ANXA6: variants seen among roughly 807,000 people sequenced by gnomAD.
ANXA6 encodes 67 kDa calelectrin.
A neutral mutation model predicts 95.4 loss-of-function variants in ANXA6; 71 were observed. The ratio of observed to expected loss-of-function variants is 0.74; its 90% CI spans 0.61 to 0.91. The LOEUF is 0.91. Ranked by LOEUF, ANXA6 falls within the 40% of genes least tolerant of loss-of-function variation. The pLI is 0.00. For missense variants in ANXA6, 830 were observed against 876.4 expected (o/e 0.95, Z 0.67); for synonymous variants, 289 against 315.9 (o/e 0.91, Z 0.90).
intron 10 of ANXA6, 93 bp downstream of exon 10, chr5:151,132,383 C>T (rs1475215793): frequency 4.2e-6 from 4 of 957,560 alleles, no homozygotes; most frequent in African/African-American, 3.3e-5. Flanking sequence ...AATTCTATAC[C>T]ATGTAATTCC....
At chr5:151,134,401 A>G in intron 8 of ANXA6, 26 bp downstream of exon 8, 1 of 1,613,090 alleles carries the variant, frequency 6.2e-7, no homozygotes, top group Non-Finnish European at 8.5e-7. Flanking sequence ...GCTGTGCCTC[A>G]GGGACTTTCA....
rs562529602 is a variant in ANXA6 at position 151,131,144 on chromosome 5, C to G, written c.795+87G>C. The G allele has an allele frequency of 1.7e-5, 24 of 1,436,680 alleles. No individual in the cohort carries two copies. In the East Asian group the frequency reaches 4.3e-4, roughly 26 times the overall value. The allele number at this position is 1,436,680 out of a possible 1,614,324, so 89.0% of individuals were successfully genotyped here. A position where few individuals can be genotyped will look rare whatever the true frequency, so the allele number is the denominator to read the frequency against. On this transcript the variant is annotated intron_variant, in intron 11 of 25. Coordinates refer to ENST00000354546, the MANE Select transcript of ANXA6 (RefSeq NM_001155.5). ...GTCCTGTGGCCATCCCTGAAGGGCT[C>G]TCTTTGGCCACTGGATCCCAAGGAC...
At chr5:151,131,741 G>C (rs529524342) in intron 10 of ANXA6, among the ~76,000 whole-genome samples, 1 of 152,128 alleles carries the variant, frequency 6.6e-6, no homozygotes, top group East Asian at 1.9e-4. Flanking sequence ...TGGGAGGGAC[G>C]ATAAAGGAGC....
At chr5:151,114,969 AT>A (rs1391671044) in intron 20 of ANXA6, among the ~76,000 whole-genome samples, 3 of 152,188 alleles carry the variant, frequency 2.0e-5, no homozygotes, top group African/African-American at 7.2e-5. Context: ...AATGCCCTTA[AT>A]TTTTATATAC....
chr5:151,108,055 A>G lies in ANXA6; in HGVS notation c.1780+400T>C, dbSNP rs374597336. 7.2e-3 allele frequency among the ~76,000 whole-genome samples: 1,088 copies of G among 152,026 alleles called. 17 individuals are homozygous for G. Among genetic ancestry groups the G allele is most frequent in the African/African-American group, 0.024 (988 of 41,432 alleles). On this transcript the variant is annotated intron_variant, in intron 23 of 25. Coordinates refer to ENST00000354546, the MANE Select transcript of ANXA6 (RefSeq NM_001155.5). ...TGTATGTGTGGTGTGCACCTGTCACATGCATATGTAACGTGTTTTATGTAT... is the reference window on the plus strand; with the variant it reads ...TGTATGTGTGGTGTGCACCTGTCACGTGCATATGTAACGTGTTTTATGTAT...
At chr5:151,105,369 G>C (rs1456072965) in intron 23 of ANXA6, 66 bp from the exon 24 acceptor site, 3 of 1,453,086 alleles carry the variant, frequency 2.1e-6, no homozygotes, top group Non-Finnish European at 2.9e-6. Flanking sequence ...CTCTGGACCG[G>C]CCTCCCCCAT....
rs1765385576 is a variant in ANXA6 at position 151,128,257 on chromosome 5, A to G, written c.919-18T>C. ...GTGTCATTCTGAAGAGAAAGAAAGA[A>G]AGGTTACCTCTCACCCAGCCCTGGG... On this transcript the variant is annotated intron_variant, in intron 12 of 25. Transcript: ENST00000354546. 1 of 1,601,850 alleles carries G rather than the reference A, an allele frequency of 6.2e-7. No homozygotes were observed. Among genetic ancestry groups the G allele is most frequent in the Non-Finnish European group, 8.5e-7 (1 of 1,175,022 alleles).
At chr5:151,130,821 G>A (rs780724308) in intron 11 of ANXA6, among the ~76,000 whole-genome samples, 4 of 152,198 alleles carry the variant, frequency 2.6e-5, no homozygotes, top group Non-Finnish European at 4.4e-5. Flanking sequence ...GTAAAAGCCT[G>A]GGAAGCTTTC....
At chr5:151,155,732 C>T (rs923889793) in intron 1 of ANXA6, 8 of 152,222 alleles carry the variant, frequency 5.3e-5, no homozygotes, top group African/African-American at 1.9e-4. Context: ...CCATTCAGAC[C>T]CAACCCATTT....
rs1006759304 is a variant in ANXA6, at chr5:151,137,503, A to T, written c.319-182T>A. 5.9e-5 allele frequency among the ~76,000 whole-genome samples: 9 copies of T among 152,032 alleles called. No homozygotes were observed. The South Asian group carries it at 1.2e-3, about 21-fold the overall frequency. On this transcript the variant is annotated intron_variant, in intron 5 of 25. Coordinates refer to ENST00000354546, the MANE Select transcript of ANXA6 (RefSeq NM_001155.5). ...CATAAGACATGGTCATATGATTTGGATGTGTTTCCCCACCAAATCTCATGT... is the reference window on the plus strand; with the variant it reads ...CATAAGACATGGTCATATGATTTGGTTGTGTTTCCCCACCAAATCTCATGT...
intron 23 of ANXA6, among the ~76,000 whole-genome samples, chr5:151,107,954 GGT>G (rs1764742926): frequency 6.6e-6 from 1 of 151,904 alleles, no homozygotes; most frequent in African/African-American, 2.4e-5. Context: ...GTGTGTGAGT[GGT>G]GTGTGTGTAG....
intron 24 of ANXA6, among the ~76,000 whole-genome samples, chr5:151,104,203 C>T (rs1381147767): frequency 2.0e-5 from 3 of 152,134 alleles, no homozygotes; most frequent in Admixed American, 2.0e-4. Context: ...CAGGAGGACC[C>T]AACCCAGGCG....
chr5:151,114,613 TAAAAAAAAAAAAAAA>T (rs61407672), intron 20 of ANXA6, among the ~76,000 whole-genome samples: 27 of 70,320 alleles, frequency 3.8e-4, no homozygotes, highest in South Asian at 1.4e-3. Flanking sequence ...GACTCCGTCT[TAAAAAAAAAAAAAAA>T]AAAAAAAAAA....
chr5:151,126,342 G>C, intron 14 of ANXA6, 60 bp downstream of exon 14: 4 of 1,449,934 alleles, frequency 2.8e-6, no homozygotes, highest in Non-Finnish European at 2.9e-6. Flanking sequence ...AGAGCAGCAG[G>C]AAGGTGCAAG....
chr5:151,140,484 C>A, intron 2 of ANXA6: 1 of 480,982 alleles, frequency 2.1e-6, no homozygotes, highest in South Asian at 2.4e-5. Flanking sequence ...GGCCTGCAGC[C>A]CTGCACCACC....
Position 151,131,284 on chromosome 5 carries a change from A to T in ANXA6, c.742T>A (p.Cys248Ser), listed in dbSNP as rs1041310322. The T allele has an allele frequency of 6.8e-6, 11 of 1,613,898 alleles. No homozygotes were observed. The highest frequency in any genetic ancestry group is 1.6e-4 in the Middle Eastern group (1 of 6,062). Residue 248 changes from cysteine (C) to serine (S), a missense_variant, in exon 11 of 26, where the codon TGT becomes AGT. Transcript: ENST00000354546. ...FEKLMLAVVKCIRSTPEYFAE... is the reference protein window; with the variant it reads ...FEKLMLAVVKSIRSTPEYFAE... ...AAATATTCCGGGGTGCTCCGGATAC[A>T]CTTCACTGTGAAGAGGGAGGAAGAG...
intron 1 of ANXA6, among the ~76,000 whole-genome samples, chr5:151,152,961 GA>G (rs1373973195): frequency 1.3e-5 from 2 of 152,122 alleles, no homozygotes; most frequent in South Asian, 4.1e-4. Context: ...GGTGATTTGA[GA>G]AAAAAGAAAT....
chr5:151,133,011 TG>T, intron 9 of ANXA6, 82 bp downstream of exon 9: 1 of 922,756 alleles, frequency 1.1e-6, no homozygotes, highest in Non-Finnish European at 1.7e-6. Context: ...GTTCCATTAG[TG>T]GTAAAGAAAA....
chr5:151,111,705 C>T (rs952799352), intron 20 of ANXA6, among the ~76,000 whole-genome samples: 1 of 152,236 alleles, frequency 6.6e-6, no homozygotes, highest in Non-Finnish European at 1.5e-5. Flanking sequence ...TCTCCTGCCT[C>T]AGCCTCCTGA....
Sources: allele counts gnomAD v4.1 joint callset (sites outside exome capture counted in the v4.1 genomes callset), GRCh38; gene constraint gnomAD v4.1.1; transcripts MANE v1.5; gene names NCBI Gene and HGNC (gene_info 2026-07-23, HGNC 2026-07-21).